Variants in SEMA4D observed in about 807,000 individuals in gnomAD.
The protein encoded by SEMA4D is semaphorin-4D.
In SEMA4D, 22 loss-of-function variants were observed where a neutral mutation model predicts 74.8. The observed-to-expected ratio is 0.29, with a 90% CI of 0.21 to 0.42. The LOEUF is 0.42. Ranked by LOEUF, SEMA4D falls within the 10% of genes least tolerant of loss-of-function variation. The pLI is 1.00. For missense variants in SEMA4D, 937 were observed against 1,118.4 expected (o/e 0.84, Z 2.31); for synonymous variants, 445 against 463.7 (o/e 0.96, Z 0.52).
chr9:89,494,055 T>C (rs1400407743), intron 1 of SEMA4D, among the ~76,000 whole-genome samples: 1 of 152,256 alleles, frequency 6.6e-6, no homozygotes, highest in African/African-American at 2.4e-5. Context: ...AGAGGATCAA[T>C]AACTATTGAT....
intron 5 of SEMA4D, among the ~76,000 whole-genome samples, chr9:89,398,196 G>A (rs923685280): frequency 9.9e-5 from 15 of 152,002 alleles, no homozygotes; most frequent in African/African-American, 3.1e-4. Flanking sequence ...TGCCTTTTCC[G>A]AAACTACCCA....
At chr9:89,472,419 AAGCCAAATATAC>A (rs1413496432) in intron 1 of SEMA4D, 3 of 313,116 alleles carry the variant, frequency 9.6e-6, no homozygotes, top group African/African-American at 6.7e-5. Context: ...CAATTTATGA[AAGCCAAATATAC>A]AGCCTTAAAA....
chr9:89,490,375 C>G (rs1412438916), intron 1 of SEMA4D, among the ~76,000 whole-genome samples: 2 of 152,184 alleles, frequency 1.3e-5, no homozygotes, highest in African/African-American at 4.8e-5. Context: ...AAAGAGTATG[C>G]AGATGGTCCC....
At chr9:89,463,800 G>A (rs1175071136) in intron 1 of SEMA4D, among the ~76,000 whole-genome samples, 3 of 152,088 alleles carry the variant, frequency 2.0e-5, no homozygotes, top group African/African-American at 2.4e-5. Flanking sequence ...AGGGTGTGGC[G>A]GCGGGCACCT....
chr9:89,392,635 C>T, intron 7 of SEMA4D, 99 bp from the exon 8 acceptor site: 1 of 758,530 alleles, frequency 1.3e-6, no homozygotes, highest in South Asian at 1.6e-5. Flanking sequence ...TCCTTTATAA[C>T]CCAATTAAGT....
rs1836030913 is a variant in SEMA4D at position 89,377,671 on chromosome 9, A to C, written c.*1033T>G. The C allele has an allele frequency of 6.6e-6, 1 of 152,234 alleles. No individual in the cohort carries two copies. The highest frequency in any genetic ancestry group is 1.5e-5 in the Non-Finnish European group (1 of 68,070). The allele number at this position is 152,234 out of a possible 1,614,324, so 9.4% of individuals were successfully genotyped here. A position where few individuals can be genotyped will look rare whatever the true frequency, so the allele number is the denominator to read the frequency against. The stretch of plus-strand genomic sequence containing the variant: ...AGGCAGTGGGTAAGCAATTGAAGCA[A>C]GAAGAGAAAGGAGATGTTCAGAGAA... On this transcript the variant is annotated 3_prime_UTR_variant, in exon 16 of 16. Transcript: ENST00000422704.
At chr9:89,440,373 G>C (rs1221923204) in intron 2 of SEMA4D, among the ~76,000 whole-genome samples, 1 of 151,930 alleles carries the variant, frequency 6.6e-6, no homozygotes, top group African/African-American at 2.4e-5. Flanking sequence ...ATCTGGTCTT[G>C]ACATGCCTCT....
At chr9:89,450,739 T>C in intron 2 of SEMA4D, 1 of 1,369,458 alleles carries the variant, frequency 7.3e-7, no homozygotes, top group Non-Finnish European at 9.9e-7. Context: ...TAGAAGAAAA[T>C]GAAGCTGGGG....
chr9:89,487,344 C>T (rs895911773), intron 1 of SEMA4D, among the ~76,000 whole-genome samples: 4 of 152,012 alleles, frequency 2.6e-5, no homozygotes, highest in Non-Finnish European at 4.4e-5. Flanking sequence ...AACACCTACT[C>T]ATGATAAAAG....
intron 1 of SEMA4D, among the ~76,000 whole-genome samples, chr9:89,476,529 G>A (rs549740769): frequency 6.6e-6 from 1 of 152,278 alleles, no homozygotes; most frequent in African/African-American, 2.4e-5. Context: ...AATAGCACAG[G>A]CTGACCTCCC....
intron 2 of SEMA4D, among the ~76,000 whole-genome samples, chr9:89,439,674 C>T (rs1851263237): frequency 6.6e-6 from 1 of 152,216 alleles, no homozygotes; most frequent in Non-Finnish European, 1.5e-5. Context: ...GTCAGCTCAG[C>T]CGGCGGCTGA....
At chr9:89,458,066 C>G (rs1856370324) in intron 1 of SEMA4D, among the ~76,000 whole-genome samples, 1 of 152,018 alleles carries the variant, frequency 6.6e-6, no homozygotes, top group African/African-American at 2.4e-5. Flanking sequence ...AAAAACAAAC[C>G]CTGAGGAGGT....
chr9:89,461,915 C>T (rs1369341059), intron 1 of SEMA4D, among the ~76,000 whole-genome samples: 1 of 151,972 alleles, frequency 6.6e-6, no homozygotes, highest in Non-Finnish European at 1.5e-5. Context: ...GTTGGTCAGG[C>T]TGGTCTCGAA....
At chr9:89,448,992 C>T (rs1191305990) in intron 2 of SEMA4D, among the ~76,000 whole-genome samples, 1 of 152,170 alleles carries the variant, frequency 6.6e-6, no homozygotes, top group Non-Finnish European at 1.5e-5. Context: ...TGAGCACGCC[C>T]ATTGATGCAT....
chr9:89,480,666 A>G (rs1427556708), intron 1 of SEMA4D, among the ~76,000 whole-genome samples: 1 of 152,216 alleles, frequency 6.6e-6, no homozygotes, highest in Non-Finnish European at 1.5e-5. Context: ...CCCGGGTGCT[A>G]AGTCCCCCAT....
intron 2 of SEMA4D, chr9:89,449,653 T>C (rs1853866426): frequency 6.8e-7 from 1 of 1,476,690 alleles, no homozygotes; most frequent in Admixed American, 1.7e-5. Flanking sequence ...AATGGGGTAC[T>C]TCGGTCCTTG....
rs1564006282 is a variant in SEMA4D at position 89,484,727 on chromosome 9, TTATG to T, written c.-310+13188_-310+13191del. Among the ~76,000 whole-genome samples the T allele has an allele frequency of 6.6e-6, 1 of 151,008 alleles. No homozygotes were observed. The highest frequency in any genetic ancestry group is 2.4e-5 in the African/African-American group (1 of 40,968). On this transcript the variant is annotated intron_variant, in intron 1 of 15. Transcript: ENST00000422704. The surrounding 1 kb of genome is among the most constrained non-coding windows in gnomAD (Gnocchi z 4.1). ...ATGTGGTGTATGGATGTGTTGTGTG[TTATG>T]TGTGTGTGGTGTGGCAGGTATGTGT...
chr9:89,388,464 C>T (rs989754437), intron 11 of SEMA4D, among the ~76,000 whole-genome samples, 172 bp downstream of exon 11: 1 of 152,264 alleles, frequency 6.6e-6, no homozygotes, highest in Admixed American at 6.5e-5. Flanking sequence ...TGTTACGTAA[C>T]ATGCAAAAGG....
chr9:89,385,007 C>A (rs761618873), intron 13 of SEMA4D: 3 of 985,236 alleles, frequency 3.0e-6, no homozygotes, highest in Non-Finnish European at 3.6e-6. Flanking sequence ...ACAGGCGGGT[C>A]GGGTGGTCCA....
Sources: gnomAD v4.1 joint callset for allele counts (sites outside exome capture counted in the v4.1 genomes callset) on GRCh38, gnomAD v4.1.1 for gene constraint, Gnocchi (gnomAD v3.1) non-coding constraint, MANE v1.5 for transcripts, NCBI Gene and HGNC (gene_info 2026-07-23, HGNC 2026-07-21) for gene names.